The following MLLT3 variants were observed in gnomAD, a reference collection of about 807,000 sequenced individuals.
The protein encoded by MLLT3 is protein AF-9.
In MLLT3, 4 loss-of-function variants were observed where a neutral mutation model predicts 53.2. The observed-to-expected ratio is 0.08, with a 90% CI of 0.04 to 0.17. The LOEUF (loss-of-function observed/expected upper bound fraction) is 0.17, where lower values mean the gene tolerates loss of function less well. Ranked by LOEUF, MLLT3 falls within the 10% of genes least tolerant of loss-of-function variation. The pLI, the probability that MLLT3 is intolerant of heterozygous loss-of-function variation, is 1.00. For missense variants in MLLT3, 569 were observed against 684.0 expected, an observed-to-expected ratio of 0.83 and a Z score of 1.87; for synonymous variants, 283 against 230.6, an observed-to-expected ratio of 1.23 and a Z score of -2.06.
chr9:20,502,505 A>T (rs1825272623), intron 2 of MLLT3, among the ~76,000 whole-genome samples: 1 of 152,194 alleles, frequency 6.6e-6, no homozygotes, highest in Admixed American at 6.5e-5. Flanking sequence ...GGATTCAACC[A>T]ACCACAGATT....
intron 2 of MLLT3, among the ~76,000 whole-genome samples, chr9:20,529,463 T>C (rs1818276798): frequency 6.6e-6 from 1 of 152,152 alleles, no homozygotes; most frequent in African/African-American, 2.4e-5. Context: ...TAGCAGAATG[T>C]CAAACCCAAA....
intron 2 of MLLT3, among the ~76,000 whole-genome samples, chr9:20,521,232 G>A (rs568027239): frequency 2.0e-4 from 31 of 152,078 alleles, no homozygotes; most frequent in South Asian, 6.2e-4. Context: ...CATCGCATCC[G>A]GCTACTTTTT....
chr9:20,529,390 A>G (rs917681505), intron 2 of MLLT3, among the ~76,000 whole-genome samples: 3 of 152,206 alleles, frequency 2.0e-5, no homozygotes, highest in East Asian at 1.9e-4. Flanking sequence ...TAATTTGAAA[A>G]TATGTTCAGA....
At chr9:20,416,258 C>T (rs1387752710) in intron 4 of MLLT3, among the ~76,000 whole-genome samples, 2 of 151,724 alleles carry the variant, frequency 1.3e-5, no homozygotes, top group African/African-American at 4.8e-5. Context: ...TGAAAATTTG[C>T]AATCAGTATT....
intron 8 of MLLT3, among the ~76,000 whole-genome samples, chr9:20,356,978 A>C (rs1418869908): frequency 6.6e-6 from 1 of 152,198 alleles, no homozygotes; most frequent in African/African-American, 2.4e-5. Context: ...CCTGCTCCAA[A>C]ATAAACAGCT....
intron 5 of MLLT3, among the ~76,000 whole-genome samples, chr9:20,369,615 C>G (rs1032436741): frequency 4.1e-4 from 63 of 152,328 alleles, no homozygotes; most frequent in Non-Finnish European, 6.3e-4. Context: ...GAGGCTGACA[C>G]TGTCTTACAT....
At chr9:20,615,874 G>T (rs1289902909) in intron 2 of MLLT3, among the ~76,000 whole-genome samples, 1 of 132,612 alleles carries the variant, frequency 7.5e-6, no homozygotes, top group Admixed American at 7.7e-5. Context: ...AAAGAGATTT[G>T]AAAAAAAAAA....
chr9:20,458,008 C>G (rs1221790713), intron 2 of MLLT3, among the ~76,000 whole-genome samples: 1 of 152,194 alleles, frequency 6.6e-6, no homozygotes. Flanking sequence ...CAAAACCCCT[C>G]TGCTTCATTC....
intron 4 of MLLT3, among the ~76,000 whole-genome samples, chr9:20,433,858 T>C (rs867203465): frequency 5.3e-5 from 8 of 151,954 alleles, no homozygotes; most frequent in Admixed American, 1.3e-4. Context: ...CTCACACCTG[T>C]AATCCCAGCA....
chr9:20,481,127 G>C (rs1471547896), intron 2 of MLLT3, among the ~76,000 whole-genome samples: 3 of 152,110 alleles, frequency 2.0e-5, no homozygotes, highest in African/African-American at 7.2e-5. Flanking sequence ...AGAAAACTAA[G>C]AATGGGCAAA....
rs1338819692 is a variant in MLLT3, at chr9:20,406,654, C to T, written c.1125+7067G>A. 2.0e-5 allele frequency among the ~76,000 whole-genome samples: 3 copies of T among 152,246 alleles called. No homozygotes were observed. In the East Asian group the frequency reaches 5.8e-4, roughly 29 times the overall value. On this transcript the variant is annotated intron_variant, in intron 5 of 10. Coordinates refer to ENST00000380338, the MANE Select transcript of MLLT3 (RefSeq NM_004529.4). ...CTTTCTCTATTTATTTAAAGTAATA[C>T]CTGAGGGACCCATATATGTATTTTC...
intron 5 of MLLT3, among the ~76,000 whole-genome samples, chr9:20,403,413 G>T (rs1049563400): frequency 6.6e-6 from 1 of 152,162 alleles, no homozygotes; most frequent in African/African-American, 2.4e-5. Context: ...AGAGATGGGT[G>T]GCATATAACA....
chr9:20,398,529 C>T (rs1160045698), intron 5 of MLLT3, among the ~76,000 whole-genome samples: 1 of 152,080 alleles, frequency 6.6e-6, no homozygotes, highest in Non-Finnish European at 1.5e-5. Flanking sequence ...AAGCAAGTCC[C>T]TTTTACACGG....
intron 2 of MLLT3, among the ~76,000 whole-genome samples, chr9:20,567,280 A>G (rs1294075533): frequency 6.8e-6 from 1 of 146,472 alleles, no homozygotes; most frequent in Admixed American, 6.9e-5. Context: ...CCAAAAGAAG[A>G]GCTGAAAGTA....
intron 2 of MLLT3, among the ~76,000 whole-genome samples, chr9:20,482,598 T>A (rs1469746637): frequency 6.6e-6 from 1 of 152,186 alleles, no homozygotes; most frequent in East Asian, 1.9e-4. Flanking sequence ...CAACACAACA[T>A]ATGCTACTAG....
intron 4 of MLLT3, among the ~76,000 whole-genome samples, chr9:20,433,026 G>A (rs552080000): frequency 1.3e-5 from 2 of 151,948 alleles, no homozygotes. Context: ...TGGAGCTAAC[G>A]CAAGTGATGA....
At chr9:20,520,853 G>A (rs982084318) in intron 2 of MLLT3, among the ~76,000 whole-genome samples, 5 of 152,144 alleles carry the variant, frequency 3.3e-5, no homozygotes, top group Admixed American at 6.5e-5. Flanking sequence ...CCATGGCCAC[G>A]GCTGCAGAAA....
intron 2 of MLLT3, among the ~76,000 whole-genome samples, chr9:20,526,925 T>C (rs1162924635): frequency 1.3e-5 from 2 of 152,188 alleles, no homozygotes; most frequent in Non-Finnish European, 2.9e-5. Context: ...ATTGTATATA[T>C]TGGACACTTA....
At chr9:20,381,809 T>TAGC in intron 5 of MLLT3, among the ~76,000 whole-genome samples, 1 of 151,914 alleles carries the variant, frequency 6.6e-6, no homozygotes, top group East Asian at 1.9e-4. Context: ...ATGAACGACT[T>TAGC]TCAATGTATG....
Sources: allele counts gnomAD v4.1 joint callset (sites outside exome capture counted in the v4.1 genomes callset), GRCh38; gene constraint gnomAD v4.1.1; transcripts MANE v1.5; gene names NCBI Gene and HGNC (gene_info 2026-07-23, HGNC 2026-07-21).